Variants in SLC16A14 observed in about 807,000 individuals in gnomAD.
SLC16A14 encodes solute carrier family 16 member 14, also known as monocarboxylate transporter 14.
SLC16A14 carries 14 observed loss-of-function variants against 35.8 expected under a neutral mutation model. The ratio of observed to expected loss-of-function variants is 0.39; its 90% confidence interval spans 0.26 to 0.61. The LOEUF (loss-of-function observed/expected upper bound fraction) is 0.61, where lower values mean the gene tolerates loss of function less well. Ranked by LOEUF, SLC16A14 falls within the 20% of genes least tolerant of loss-of-function variation. The pLI is 0.51. For missense variants in SLC16A14, 533 were observed against 655.0 expected (o/e 0.81, Z 2.03); for synonymous variants, 248 against 258.9 (o/e 0.96, Z 0.40).
At chr2:230,063,929 T>C (rs1386547833) in intron 1 of SLC16A14, among the ~76,000 whole-genome samples, 2 of 151,972 alleles carry the variant, frequency 1.3e-5, no homozygotes, top group African/African-American at 2.4e-5. Flanking sequence ...TGAGACCTCA[T>C]CTCCGTAAAT....
In SLC16A14 at chr2:230,035,896, A is replaced by G. The variant is rs893915370; in HGVS notation, c.*1484T>C. 5 of 152,586 alleles carry G rather than the reference A, an allele frequency of 3.3e-5. No individual in the cohort carries two copies. The South Asian group carries it at 6.2e-4, about 19-fold the overall frequency. 9.5% of individuals were successfully genotyped at this position (152,586 alleles called of 1,614,324 possible). On this transcript the variant is annotated 3_prime_UTR_variant, in exon 5 of 5. Coordinates refer to ENST00000295190, the MANE Select transcript of SLC16A14 (RefSeq NM_152527.5). The stretch of plus-strand genomic sequence containing the variant: ...TCACTTGTTAACAGCTCAGAAGGGC[A>G]TGGTTGAGTATAACTGAAACTGCTG...
chr2:230,059,610 T>C (rs2077735349), intron 1 of SLC16A14, among the ~76,000 whole-genome samples: 1 of 152,206 alleles, frequency 6.6e-6, no homozygotes, highest in Non-Finnish European at 1.5e-5. Flanking sequence ...ATCTTGGGAA[T>C]AGACTCAGAG....
In SLC16A14 at chr2:230,037,109, A is replaced by C. The variant is rs886187164; in HGVS notation, c.*271T>G. 9 of 225,908 alleles carry C rather than the reference A, an allele frequency of 4.0e-5. No homozygotes were observed. Among genetic ancestry groups the C allele is most frequent in the African/African-American group, 1.6e-4 (7 of 44,394 alleles). 14.0% of individuals were successfully genotyped at this position (225,908 alleles called of 1,614,324 possible). On this transcript the variant is annotated 3_prime_UTR_variant, in exon 5 of 5. Transcript: ENST00000295190. Reference sequence around the variant, plus strand: ...AGATGACAAGAGAATGGTTTTTATAAGGGCATTTCTACCAATTACTTACTA... The same window carrying C: ...AGATGACAAGAGAATGGTTTTTATACGGGCATTTCTACCAATTACTTACTA...
chr2:230,060,587 C>A (rs2077744307), intron 1 of SLC16A14, among the ~76,000 whole-genome samples: 1 of 152,112 alleles, frequency 6.6e-6, no homozygotes, highest in South Asian at 2.1e-4. Flanking sequence ...GTCTTGAACT[C>A]CTGGCTTCAA....
chr2:230,052,998 G>A (rs1369704226), intron 2 of SLC16A14, among the ~76,000 whole-genome samples: 2 of 151,678 alleles, frequency 1.3e-5, no homozygotes, highest in East Asian at 1.9e-4. Context: ...CTGGAGTGCA[G>A]TGGTGCCATC....
chr2:230,066,285 T>C (rs1290092020), intron 1 of SLC16A14, among the ~76,000 whole-genome samples: 9 of 150,920 alleles, frequency 6.0e-5, no homozygotes, highest in South Asian at 2.1e-4. Flanking sequence ...GCCTGGATGA[T>C]AGAACGAGAC....
intron 1 of SLC16A14, among the ~76,000 whole-genome samples, chr2:230,066,194 T>C (rs4337465): frequency 0.91 from 138,812 of 152,126 alleles, 64,735 homozygotes; most frequent in East Asian, 1. Context: ...CTCACAGCTA[T>C]GCAGGAGGCT....
In SLC16A14 at chr2:230,045,668, T is replaced by A. The variant is rs2077598761; in HGVS notation, c.1381+77A>T. 7 of 1,508,648 alleles carry A rather than the reference T, an allele frequency of 4.6e-6. No homozygotes were observed. In the East Asian group the frequency reaches 1.6e-4, roughly 34 times the overall value. The allele number at this position is 1,508,648 out of a possible 1,614,324, so 93.5% of individuals were successfully genotyped here. On this transcript the variant is annotated intron_variant, in intron 4 of 4. Coordinates refer to ENST00000295190, the MANE Select transcript of SLC16A14 (RefSeq NM_152527.5). Reference sequence around the variant, plus strand: ...AAAATGTACACAAATGGAAACCTTCTTCTTTATCTGGGACTTTATAACATA... The same window carrying A: ...AAAATGTACACAAATGGAAACCTTCATCTTTATCTGGGACTTTATAACATA...
At chr2:230,052,821 G>A (rs2077672730) in intron 2 of SLC16A14, among the ~76,000 whole-genome samples, 1 of 151,706 alleles carries the variant, frequency 6.6e-6, no homozygotes, top group South Asian at 2.1e-4. Flanking sequence ...ACCCAGAAAT[G>A]CTGTGACTTC....
intron 4 of SLC16A14, 123 bp downstream of exon 4, chr2:230,045,622 C>T: frequency 3.9e-6 from 4 of 1,036,076 alleles, no homozygotes; most frequent in Non-Finnish European, 5.8e-6. Context: ...AAGTAAAGGG[C>T]AGGAATGGGA....
At position 230,046,574 on chromosome 2, in the gene SLC16A14, T is replaced by C. The variant is rs1398578921; in HGVS notation, c.552A>G (p.Ala184=). Reference sequence around the variant, plus strand: ...ACATGGCATTCCTCCAGCCGTACTCTGCGCACAGGTACTTCAGCAGCACAG... The same window carrying C: ...ACATGGCATTCCTCCAGCCGTACTCCGCGCACAGGTACTTCAGCAGCACAG... The part of the protein sequence containing the change: ...LMTVLLKYLC[A]EYGWRNAMLI... Residue 184 remains alanine, a synonymous_variant, in exon 4 of 5, where the codon GCA becomes GCG. Transcript: ENST00000295190. The surrounding 1 kb of genome is among the most constrained non-coding windows in gnomAD (Gnocchi z 5.0). 2 of 1,614,172 alleles carry C rather than the reference T, an allele frequency of 1.2e-6. No homozygotes were observed. The highest frequency in any genetic ancestry group is 2.2e-5 in the South Asian group (2 of 91,084).
At chr2:230,042,610 G>A (rs576215938) in intron 4 of SLC16A14, among the ~76,000 whole-genome samples, 3 of 152,292 alleles carry the variant, frequency 2.0e-5, no homozygotes, top group East Asian at 3.9e-4. Flanking sequence ...TCCAACAAGA[G>A]GGTGGAGGAG....
intron 1 of SLC16A14, among the ~76,000 whole-genome samples, chr2:230,062,659 C>T (rs1449002354): frequency 6.6e-6 from 1 of 152,116 alleles, no homozygotes; most frequent in Admixed American, 6.5e-5. Flanking sequence ...AATACTCTGA[C>T]CACTTAGAGG....
intron 1 of SLC16A14, chr2:230,066,894 TG>T: frequency 4.2e-6 from 1 of 238,874 alleles, no homozygotes; most frequent in Non-Finnish European, 8.4e-6. Flanking sequence ...CCCAAAATGC[TG>T]GGATTACAGG....
chr2:230,056,585 A>T (rs566603410), intron 2 of SLC16A14, among the ~76,000 whole-genome samples: 155 of 152,132 alleles, frequency 1.0e-3, no homozygotes, highest in Admixed American at 3.3e-3. Context: ...CAAAAATAAC[A>T]TTGCTGGTGG....
chr2:230,054,435 T>C (rs1038945723), intron 2 of SLC16A14, among the ~76,000 whole-genome samples: 2 of 152,232 alleles, frequency 1.3e-5, no homozygotes, highest in Admixed American at 6.5e-5. Context: ...TTATTTTATG[T>C]AAAAGTGCTG....
At chr2:230,051,180 A>C (rs1312352538) in intron 2 of SLC16A14, among the ~76,000 whole-genome samples, 4 of 151,986 alleles carry the variant, frequency 2.6e-5, no homozygotes, top group Non-Finnish European at 5.9e-5. Flanking sequence ...TTTTGTTTTG[A>C]TACAGGGTCT....
intron 2 of SLC16A14, among the ~76,000 whole-genome samples, chr2:230,056,926 A>G (rs886451252): frequency 1.6e-4 from 24 of 152,060 alleles, no homozygotes; most frequent in African/African-American, 5.5e-4. Flanking sequence ...GCCAAGATCA[A>G]CAAGTCTCTG....
chr2:230,046,031 A>C lies in SLC16A14; in HGVS notation c.1095T>G (p.Phe365Leu). 5.0e-6 allele frequency: 8 copies of C among 1,614,064 alleles called. No homozygotes were observed. Among genetic ancestry groups the C allele is most frequent in the Non-Finnish European group, 6.8e-6 (8 of 1,179,880 alleles). ...LTSIIAIVHI[F>L]GKVILGVIAD... ...CTATGACGCCCAGGATCACTTTTCC[A>C]AAGATGTGAACTATTGCTATAATTG... The change falls in exon 4 of 5, where the codon TTT becomes TTG. Residue 365 changes from phenylalanine (F) to leucine (L), a missense_variant. Physicochemically the swap from Phe to Leu is conservative, Grantham distance 22 (BLOSUM62 0). Coordinates refer to ENST00000295190, the MANE Select transcript of SLC16A14 (RefSeq NM_152527.5). This position sits in a 1 kb window ranked among gnomAD's most constrained non-coding sequence, Gnocchi z 5.0.
Sources: allele counts gnomAD v4.1 joint callset (sites outside exome capture counted in the v4.1 genomes callset), GRCh38; gene constraint gnomAD v4.1.1; non-coding constraint Gnocchi (gnomAD v3.1); transcripts MANE v1.5; gene names NCBI Gene and HGNC (gene_info 2026-07-23, HGNC 2026-07-21).